The following PHF6 variants were observed in gnomAD, a reference collection of about 807,000 sequenced individuals.
PHF6 encodes the protein PHD-like zinc finger protein.
Under a neutral mutation model 34.0 loss-of-function variants are expected in PHF6, and 7 were observed. The observed-to-expected ratio is 0.21, with a 90% CI of 0.12 to 0.39. The LOEUF (loss-of-function observed/expected upper bound fraction) is 0.39. Among genes scored for constraint, PHF6 ranks in the 10% least tolerant of loss-of-function variants. The probability of loss-of-function intolerance (pLI) is 1.00; values close to 1 mark genes in which losing one functional copy is unlikely to be tolerated. For synonymous variants in PHF6, 89 were observed against 88.4 expected, an observed-to-expected ratio of 1.01 and a Z score of -0.04; for missense variants, 128 against 262.8, an observed-to-expected ratio of 0.49 and a Z score of 3.55.
chrX:134,396,328 T>C (rs985731521), intron 5 of PHF6, among the ~76,000 whole-genome samples: 1 of 111,890 alleles, frequency 8.9e-6, no homozygotes, highest in Admixed American at 9.5e-5. Flanking sequence ...ATGATTAATA[T>C]ATACTGATTA....
chrX:134,396,200 G>T (rs2077376794), intron 5 of PHF6, among the ~76,000 whole-genome samples: 1 of 111,589 alleles, frequency 9.0e-6, no homozygotes, highest in African/African-American at 3.3e-5. Context: ...AACAATCCAA[G>T]TTAAGCTGAG....
At chrX:134,397,588 G>T (rs1408535202) in intron 5 of PHF6, among the ~76,000 whole-genome samples, 1 of 111,957 alleles carries the variant, frequency 8.9e-6, no homozygotes, top group East Asian at 2.8e-4. Context: ...GGCGGAGGTT[G>T]CAGTGAACTG....
At chrX:134,409,313 A>G (rs1420183861) in intron 5 of PHF6, among the ~76,000 whole-genome samples, 1 of 110,914 alleles carries the variant, frequency 9.0e-6, no homozygotes. Context: ...CATATTTTCA[A>G]TTTTCATGTG....
At chrX:134,406,993 T>C (rs1284633424) in intron 5 of PHF6, among the ~76,000 whole-genome samples, 1 of 112,006 alleles carries the variant, frequency 8.9e-6, no homozygotes, top group Non-Finnish European at 1.9e-5. Context: ...TTTTCTAACA[T>C]CCAGGAGCAT....
intron 5 of PHF6, among the ~76,000 whole-genome samples, chrX:134,395,431 A>G (rs889517611): frequency 1.8e-5 from 2 of 112,388 alleles, no homozygotes; most frequent in Non-Finnish European, 3.8e-5. Flanking sequence ...CTTGGTCTGT[A>G]AAAAGTATGC....
At chrX:134,412,026 C>A (rs1001596608) in intron 5 of PHF6, among the ~76,000 whole-genome samples, 1 of 112,087 alleles carries the variant, frequency 8.9e-6, no homozygotes, top group South Asian at 3.7e-4. Context: ...GCCACCACGC[C>A]CAGCCAAGTG....
At position 134,426,061 on chromosome X, in the gene PHF6, C is replaced by G. The variant is rs2077506413; in HGVS notation, c.*401C>G. On this transcript the variant is annotated 3_prime_UTR_variant, in exon 11 of 11. Transcript: ENST00000370803. ...AATTTTCCTTTACAATGCAAACATG[C>G]CACTGGTGGCAGCACATGGTAATTT... 1 of 156,996 alleles carries G rather than the reference C, an allele frequency of 6.4e-6. No individual in the cohort carries two copies. The highest frequency in any genetic ancestry group is 3.2e-5 in the African/African-American group (1 of 31,081). 12.9% of individuals were successfully genotyped at this position (156,996 alleles called of 1,213,427 possible). A position where few individuals can be genotyped will look rare whatever the true frequency, so the allele number is the denominator to read the frequency against.
At chrX:134,382,566 C>CTTTT (rs377670545) in intron 3 of PHF6, among the ~76,000 whole-genome samples, 2 of 84,636 alleles carry the variant, frequency 2.4e-5, no homozygotes, top group East Asian at 3.8e-4. Context: ...AGCTATTCTT[C>CTTTT]TTTTTTTTTT....
intron 3 of PHF6, among the ~76,000 whole-genome samples, chrX:134,387,484 C>T (rs776144205): frequency 2.7e-5 from 3 of 110,945 alleles, no homozygotes; most frequent in African/African-American, 9.8e-5. Flanking sequence ...ATATAGCAAG[C>T]GGCATAGCAG....
intron 3 of PHF6, among the ~76,000 whole-genome samples, chrX:134,380,258 T>G (rs1004802267): frequency 1.9e-5 from 2 of 107,648 alleles, no homozygotes; most frequent in African/African-American, 6.8e-5. Context: ...ACCATTCTCC[T>G]GCCTCAGCCT....
chrX:134,389,148 A>T (rs754167030), intron 3 of PHF6, among the ~76,000 whole-genome samples: 1 of 111,152 alleles, frequency 9.0e-6, no homozygotes, highest in Non-Finnish European at 1.9e-5. Context: ...ATTATTATTA[A>T]TGAAGAAGTT....
intron 9 of PHF6, 64 bp downstream of exon 9, chrX:134,417,366 T>C: frequency 9.1e-7 from 1 of 1,097,454 alleles, no homozygotes; most frequent in Non-Finnish European, 1.3e-6. Flanking sequence ...ATAGATGACA[T>C]TAGTTTACTC....
In PHF6 at chrX:134,414,032, G is replaced by T. The variant is rs982339608; in HGVS notation, c.729+66G>T. ...GTTTGTTTTTCTTTGTTTCCCCTGTGATCTAAAGCCCAAATGATTTTTTTT... is the reference window on the plus strand; with the variant it reads ...GTTTGTTTTTCTTTGTTTCCCCTGTTATCTAAAGCCCAAATGATTTTTTTT... On this transcript the variant is annotated intron_variant, in intron 7 of 10. Transcript: ENST00000370803. 11 of 1,112,894 alleles carry T rather than the reference G, an allele frequency of 9.9e-6. No homozygotes were observed. The South Asian group carries it at 2.1e-4, about 21-fold the overall frequency. 91.7% of individuals were successfully genotyped at this position (1,112,894 alleles called of 1,213,427 possible).
intron 3 of PHF6, among the ~76,000 whole-genome samples, chrX:134,382,241 C>G (rs1293187013): frequency 1.8e-5 from 2 of 111,811 alleles, no homozygotes; most frequent in Non-Finnish European, 3.8e-5. Context: ...CAAGATGGAC[C>G]AGGAAAAATT....
At chrX:134,394,419 A>G (rs759395345) in intron 5 of PHF6, among the ~76,000 whole-genome samples, 2 of 111,512 alleles carry the variant, frequency 1.8e-5, no homozygotes, top group South Asian at 7.4e-4. Flanking sequence ...GGCGTGAGCC[A>G]TCGTGCCCGA....
intron 1 of PHF6, among the ~76,000 whole-genome samples, chrX:134,376,029 C>T (rs1301411685): frequency 1.8e-5 from 2 of 111,898 alleles, no homozygotes; most frequent in Admixed American, 9.5e-5. Flanking sequence ...TTATAGATAG[C>T]ATTAAGAGTT....
rs755570128 is a variant in PHF6 at position 134,376,898 on chromosome X, T to A, written c.-46-674T>A. Among the ~76,000 whole-genome samples the A allele has an allele frequency of 2.7e-5, 3 of 111,950 alleles. No individual in the cohort carries two copies. The Admixed American group carries it at 2.9e-4, about 11-fold the overall frequency. ...AAATAATTTTTAAAGTGCACCAAAGTCATAGTTAGGTAAATTCGTTTTACT... is the reference window on the plus strand; with the variant it reads ...AAATAATTTTTAAAGTGCACCAAAGACATAGTTAGGTAAATTCGTTTTACT... On this transcript the variant is annotated intron_variant, in intron 1 of 10. Coordinates refer to ENST00000370803, the MANE Select transcript of PHF6 (RefSeq NM_001015877.2).
intron 3 of PHF6, among the ~76,000 whole-genome samples, chrX:134,378,892 G>A (rs1448568814): frequency 8.9e-6 from 1 of 112,380 alleles, no homozygotes. Flanking sequence ...GATTACAGGC[G>A]TGAGCCACTG....
rs774190773 is a variant in PHF6, at chrX:134,415,002, T to C, written c.730-14T>C. 8.4e-7 allele frequency: 1 copy of C among 1,195,899 alleles called. No homozygotes were observed. Among genetic ancestry groups the C allele is most frequent in the Non-Finnish European group, 1.1e-6 (1 of 883,216 alleles). On this transcript the variant is annotated splice_polypyrimidine_tract_variant and intron_variant, in intron 7 of 10. Coordinates refer to ENST00000370803, the MANE Select transcript of PHF6 (RefSeq NM_001015877.2). ...GATTCTGAATGTTAATTTTCCTGCATTTTTCTTCTCTAGTTGTTTTCTTCT... is the reference window on the plus strand; with the variant it reads ...GATTCTGAATGTTAATTTTCCTGCACTTTTCTTCTCTAGTTGTTTTCTTCT...
Sources: allele counts gnomAD v4.1 joint callset (sites outside exome capture counted in the v4.1 genomes callset), GRCh38; gene constraint gnomAD v4.1.1; transcripts MANE v1.5; gene names NCBI Gene and HGNC (gene_info 2026-07-23, HGNC 2026-07-21).